SHANK2: variants seen among roughly 807,000 people sequenced by gnomAD.
SHANK2 encodes the protein SH3 and multiple ankyrin repeat domains protein 2.
SHANK2 carries 43 observed loss-of-function variants against 133.7 expected under a neutral mutation model. The ratio of observed to expected loss-of-function variants is 0.32; its 90% CI spans 0.25 to 0.41. SHANK2 has a LOEUF of 0.41. SHANK2 is among the 10% of genes least tolerant of loss of function. The probability of loss-of-function intolerance (pLI) is 1.00; values close to 1 mark genes in which losing one functional copy is unlikely to be tolerated. For synonymous variants in SHANK2, 1,017 were observed against 952.8 expected, an observed-to-expected ratio of 1.07 and a Z score of -1.24; for missense variants, 1,994 against 2,235.8, an observed-to-expected ratio of 0.89 and a Z score of 2.18.
intron 10 of SHANK2, among the ~76,000 whole-genome samples, chr11:70,936,114 G>T (rs1173015915): frequency 6.6e-6 from 1 of 152,230 alleles, no homozygotes; most frequent in African/African-American, 2.4e-5. Context: ...TTCCTTAAAT[G>T]CCAGCTCTGT....
chr11:70,477,121 G>A (rs1029246287), intron 25 of SHANK2, among the ~76,000 whole-genome samples: 2 of 152,170 alleles, frequency 1.3e-5, no homozygotes, highest in South Asian at 2.1e-4. Context: ...CACACACGGG[G>A]TCACGCAGCA....
intron 11 of SHANK2, among the ~76,000 whole-genome samples, chr11:70,874,385 C>G (rs1187968337): frequency 1.3e-5 from 2 of 152,150 alleles, no homozygotes; most frequent in African/African-American, 4.8e-5. Flanking sequence ...CTCTGTTACA[C>G]ACACTGGAGT....
Position 70,803,707 on chromosome 11 carries a change from C to T in SHANK2, c.1663+3295G>A, listed in dbSNP as rs1948101916. ...CTCAGGTACACAGCTTGGACAGGAG[C>T]CTCTGGCTCAGGAGCCTGATGCTGG... On this transcript the variant is annotated intron_variant, in intron 13 of 25. Transcript: ENST00000601538. Among the ~76,000 whole-genome samples, 2 of 151,788 alleles carry T rather than the reference C, an allele frequency of 1.3e-5. 1 individual carries two copies. The highest frequency in any genetic ancestry group is 4.2e-4 in the South Asian group (2 of 4,802).
rs932624057 is a variant in SHANK2, at chr11:70,809,096, G to A, written c.1494-1925C>T. 2.0e-5 allele frequency among the ~76,000 whole-genome samples: 3 copies of A among 151,626 alleles called. No individual in the cohort carries two copies. The South Asian group carries it at 6.3e-4, about 32-fold the overall frequency. The stretch of plus-strand genomic sequence containing the variant: ...AGATGCACCTACACAGTGCCAGGAC[G>A]GGCGTCCTTAGAAACAAACGCATCT... On this transcript the variant is annotated intron_variant, in intron 12 of 25. Transcript: ENST00000601538.
At chr11:71,213,958 C>T (rs1221004508) in intron 2 of SHANK2, among the ~76,000 whole-genome samples, 1 of 152,134 alleles carries the variant, frequency 6.6e-6, no homozygotes, top group Admixed American at 6.5e-5. Flanking sequence ...CCAACCACCC[C>T]TTTTTCAACT....
At chr11:71,138,868 C>T (rs1228239884) in intron 3 of SHANK2, among the ~76,000 whole-genome samples, 7 of 150,462 alleles carry the variant, frequency 4.7e-5, no homozygotes, top group Admixed American at 6.6e-5. Flanking sequence ...AGCAGACAGA[C>T]GAGAGGACAT....
chr11:70,511,134 T>A (rs1368994591), intron 17 of SHANK2, among the ~76,000 whole-genome samples: 1 of 152,184 alleles, frequency 6.6e-6, no homozygotes. Context: ...CAACGGAGTG[T>A]GCCCCAGCGC....
chr11:70,784,195 G>C (rs1466190767), intron 14 of SHANK2, among the ~76,000 whole-genome samples: 1 of 138,168 alleles, frequency 7.2e-6, no homozygotes, highest in Non-Finnish European at 1.6e-5. Flanking sequence ...TTTTTTTTTT[G>C]AGACAGAGTC....
intron 15 of SHANK2, among the ~76,000 whole-genome samples, chr11:70,665,930 C>A (rs1944670845): frequency 6.6e-6 from 1 of 152,126 alleles, no homozygotes; most frequent in African/African-American, 2.4e-5. Flanking sequence ...ACATTTTCTA[C>A]AAGGTCAATG....
intron 17 of SHANK2, among the ~76,000 whole-genome samples, chr11:70,646,516 G>T (rs1555008284): frequency 6.6e-6 from 1 of 152,214 alleles, no homozygotes; most frequent in Non-Finnish European, 1.5e-5. Context: ...CAACCACTTT[G>T]CAGGATGTCT....
intron 15 of SHANK2, among the ~76,000 whole-genome samples, chr11:70,682,473 A>G (rs1197434183): frequency 6.6e-6 from 1 of 152,198 alleles, no homozygotes; most frequent in Non-Finnish European, 1.5e-5. Context: ...ACCCTGTCTC[A>G]AACAAACAAA....
At chr11:70,784,758 C>G (rs372397380) in intron 14 of SHANK2, among the ~76,000 whole-genome samples, 30 of 152,106 alleles carry the variant, frequency 2.0e-4, no homozygotes, top group African/African-American at 7.0e-4. Flanking sequence ...GTGGGGAAGT[C>G]AGGACTCCTC....
In SHANK2 at chr11:70,687,774, C is replaced by T. The variant is rs186529053; in HGVS notation, c.1853+10914G>A. On this transcript the variant is annotated intron_variant, in intron 15 of 25. Transcript: ENST00000601538. ...CTCCTGAGCTCTGGGGGCCCCTGCC[C>T]CATCCAGGTGGGGAGCAAGGCAGGC... 4.8e-4 allele frequency among the ~76,000 whole-genome samples: 73 copies of T among 152,310 alleles called. 1 individual carries two copies. Among genetic ancestry groups the T allele is most frequent in the Middle Eastern group, 6.8e-3 (2 of 294 alleles).
At chr11:70,896,188 T>C (rs1477596599) in intron 11 of SHANK2, among the ~76,000 whole-genome samples, 2 of 152,196 alleles carry the variant, frequency 1.3e-5, no homozygotes, top group Non-Finnish European at 2.9e-5. Context: ...CCTCTCCCCA[T>C]TTTACTAAAT....
chr11:70,697,711 C>T (rs144857111), intron 15 of SHANK2, among the ~76,000 whole-genome samples: 5 of 152,316 alleles, frequency 3.3e-5, no homozygotes, highest in Non-Finnish European at 7.4e-5. Flanking sequence ...GAGTCGAGTG[C>T]AGGGGTCTGG....
chr11:71,191,621 G>A lies in SHANK2; in HGVS notation c.-13+33076C>T, dbSNP rs142283968. ...GTCACCCAGACTGGAGTGCAATGGC[G>A]TGATCTCAGCTCACTATAACCTCTG... On this transcript the variant is annotated intron_variant, in intron 2 of 25. Coordinates refer to ENST00000601538, the MANE Select transcript of SHANK2 (RefSeq NM_012309.5). Among the ~76,000 whole-genome samples, 761 of 152,182 alleles carry A rather than the reference G, an allele frequency of 5.0e-3. 5 individuals carry two copies. The highest frequency in any genetic ancestry group is 0.017 in the African/African-American group (724 of 41,502).
intron 14 of SHANK2, among the ~76,000 whole-genome samples, chr11:70,775,993 C>T (rs1555043847): frequency 6.6e-6 from 1 of 152,236 alleles, no homozygotes; most frequent in East Asian, 1.9e-4. Context: ...GCAGCGGGGG[C>T]AGGGGTGGCC....
chr11:70,867,334 G>A lies in SHANK2; in HGVS notation c.1174+29167C>T, dbSNP rs137983974. On this transcript the variant is annotated intron_variant, in intron 11 of 25. Coordinates refer to ENST00000601538, the MANE Select transcript of SHANK2 (RefSeq NM_012309.5). ...GAGGACCAATGAGGAGAGTGCACAC[G>A]TCTTGGCTCCACACGGGCAGCAGGG... is the stretch of plus-strand genomic sequence containing the variant. Among the ~76,000 whole-genome samples, 7 of 152,374 alleles carry A rather than the reference G, an allele frequency of 4.6e-5. No homozygotes were observed. The East Asian group carries it at 7.7e-4, about 17-fold the overall frequency.
chr11:71,218,151 TG>T (rs562477389), intron 2 of SHANK2, among the ~76,000 whole-genome samples: 131 of 152,074 alleles, frequency 8.6e-4, no homozygotes, highest in African/African-American at 3.0e-3. Flanking sequence ...TGAGCCACCA[TG>T]CCCGGCCAAG....
Sources: allele counts gnomAD v4.1 joint callset (sites outside exome capture counted in the v4.1 genomes callset), GRCh38; gene constraint gnomAD v4.1.1; transcripts MANE v1.5; gene names NCBI Gene and HGNC (gene_info 2026-07-23, HGNC 2026-07-21).